Variants in JDP2 observed in about 807,000 individuals in gnomAD.
The protein encoded by JDP2 is progesterone receptor co-activator.
Under a neutral mutation model 17.1 loss-of-function variants are expected in JDP2, and 9 were observed. That is an observed-to-expected ratio of 0.53 (90% CI 0.32 to 0.92). The LOEUF (loss-of-function observed/expected upper bound fraction) is 0.92, where lower values mean the gene tolerates loss of function less well. Among genes scored for constraint, JDP2 ranks in the 40% least tolerant of loss-of-function variants. The pLI is 0.04. For missense variants in JDP2, 179 were observed against 220.0 expected, an observed-to-expected ratio of 0.81 and a Z score of 1.18; for synonymous variants, 107 against 95.6, an observed-to-expected ratio of 1.12 and a Z score of -0.69.
At chr14:75,437,450 G>A (rs527655833) in intron 1 of JDP2, among the ~76,000 whole-genome samples, 21 of 152,298 alleles carry the variant, frequency 1.4e-4, no homozygotes, top group African/African-American at 3.6e-4. Context: ...GTTATAATTC[G>A]CTCTCTTCAG....
chr14:75,452,764 C>G (rs369735033), intron 2 of JDP2, among the ~76,000 whole-genome samples: 91 of 152,322 alleles, frequency 6.0e-4, no homozygotes, highest in African/African-American at 2.1e-3. Flanking sequence ...AGCCCTCCCC[C>G]CTCACTAATG....
At chr14:75,443,886 C>G (rs1420452598) in intron 2 of JDP2, among the ~76,000 whole-genome samples, 1 of 148,018 alleles carries the variant, frequency 6.8e-6, no homozygotes, top group African/African-American at 2.6e-5. Flanking sequence ...AATAATAATA[C>G]CTACCTCTTA....
At chr14:75,454,342 A>G (rs955118006) in intron 2 of JDP2, among the ~76,000 whole-genome samples, 2 of 152,186 alleles carry the variant, frequency 1.3e-5, no homozygotes, top group Non-Finnish European at 2.9e-5. Flanking sequence ...AAAGACCTGG[A>G]TACGAGTCCT....
intron 2 of JDP2, among the ~76,000 whole-genome samples, chr14:75,447,674 T>C (rs906073472): frequency 1.3e-5 from 2 of 152,184 alleles, no homozygotes; most frequent in Non-Finnish European, 2.9e-5. Flanking sequence ...TTTTTATTTT[T>C]TTTGAGTTGG....
chr14:75,459,272 G>T (rs1485639053), intron 2 of JDP2, among the ~76,000 whole-genome samples: 4 of 152,230 alleles, frequency 2.6e-5, no homozygotes, highest in African/African-American at 9.6e-5. Context: ...CTTGTTGGGG[G>T]TGAGGTTAAG....
chr14:75,457,185 C>T (rs1886151337), intron 2 of JDP2, among the ~76,000 whole-genome samples: 1 of 152,250 alleles, frequency 6.6e-6, no homozygotes, highest in Non-Finnish European at 1.5e-5. Context: ...CATTATCACC[C>T]AGTTTGGGGT....
intron 3 of JDP2, among the ~76,000 whole-genome samples, chr14:75,462,656 C>T (rs1346161878): frequency 6.6e-6 from 1 of 152,160 alleles, no homozygotes; most frequent in African/African-American, 2.4e-5. Flanking sequence ...GTGTTGGGTA[C>T]ACTGGGGGCA....
chr14:75,439,118 A>G (rs1225694117), intron 2 of JDP2, among the ~76,000 whole-genome samples: 1 of 152,082 alleles, frequency 6.6e-6, no homozygotes, highest in Non-Finnish European at 1.5e-5. Flanking sequence ...GAAGTGCTGG[A>G]AGTGCTGGAG....
chr14:75,470,210 AG>A lies in JDP2; in HGVS notation c.*736del, dbSNP rs984861988. 3 of 151,258 alleles carry A rather than the reference AG, an allele frequency of 2.0e-5. No individual in the cohort carries two copies. Among genetic ancestry groups the A allele is most frequent in the African/African-American group, 4.9e-5 (2 of 41,082 alleles). The allele number at this position is 151,258 out of a possible 1,614,324, so 9.4% of individuals were successfully genotyped here. ...TTTTTAATATTTTTTACAAAAAAAAAGATTTTATACAAGCAATATATATATG... is the reference window on the plus strand; with the variant it reads ...TTTTTAATATTTTTTACAAAAAAAAAATTTTATACAAGCAATATATATATG... On this transcript the variant is annotated 3_prime_UTR_variant, in exon 4 of 4. Transcript: ENST00000651602.
chr14:75,440,671 T>A (rs185502132), intron 2 of JDP2, among the ~76,000 whole-genome samples: 1 of 152,246 alleles, frequency 6.6e-6, no homozygotes, highest in African/African-American at 2.4e-5. Flanking sequence ...TCACTCAGGG[T>A]CACACTGCTG....
chr14:75,459,996 A>G (rs1886285747), intron 2 of JDP2, among the ~76,000 whole-genome samples: 1 of 152,254 alleles, frequency 6.6e-6, no homozygotes, highest in Non-Finnish European at 1.5e-5. Flanking sequence ...CCTCAGTCTC[A>G]CCATCTGTAA....
intron 1 of JDP2, among the ~76,000 whole-genome samples, chr14:75,432,823 C>T (rs74067233): frequency 9.9e-4 from 151 of 152,262 alleles, no homozygotes; most frequent in African/African-American, 3.6e-3. Context: ...AAATGCTGAT[C>T]GTTGGGCACT....
At chr14:75,432,487 A>G (rs553241958) in intron 1 of JDP2, among the ~76,000 whole-genome samples, 1 of 152,068 alleles carries the variant, frequency 6.6e-6, no homozygotes, top group African/African-American at 2.4e-5. Context: ...GCCATTGCCC[A>G]TGCCCTGCCG....
Position 75,473,933 on chromosome 14 carries a change from GACTTCA to G in JDP2, c.*4468_*4473del, listed in dbSNP as rs1170912720. 6.6e-6 allele frequency: 1 copy of G among 152,190 alleles called. No homozygotes were observed. The highest frequency in any genetic ancestry group is 6.5e-5 in the Admixed American group (1 of 15,272). 9.4% of individuals were successfully genotyped at this position (152,190 alleles called of 1,614,324 possible). On this transcript the variant is annotated 3_prime_UTR_variant, in exon 4 of 4. Coordinates refer to ENST00000651602, the MANE Select transcript of JDP2 (RefSeq NM_001135048.2). ...CACTGCAAGGGTAAGTAGGACGCTG[GACTTCA>G]ACTTCAACTATACACATAACATTTC... is the stretch of plus-strand genomic sequence containing the variant.
chr14:75,439,197 A>G (rs1009109298), intron 2 of JDP2, among the ~76,000 whole-genome samples: 1 of 152,140 alleles, frequency 6.6e-6, no homozygotes, highest in African/African-American at 2.4e-5. Context: ...TTAGGCAACT[A>G]TCTCTCAGCT....
chr14:75,444,790 A>G (rs1038020897), intron 2 of JDP2, among the ~76,000 whole-genome samples: 1 of 152,222 alleles, frequency 6.6e-6, no homozygotes, highest in Admixed American at 6.5e-5. Context: ...TTCTGACAGC[A>G]CTAACCTTTC....
At chr14:75,469,176 T>A in intron 3 of JDP2, 114 bp from the exon 4 acceptor site, 1 of 939,922 alleles carries the variant, frequency 1.1e-6, no homozygotes, top group Non-Finnish European at 1.6e-6. Flanking sequence ...TGCTTCTTCC[T>A]GCAGAAAACA....
intron 3 of JDP2, among the ~76,000 whole-genome samples, chr14:75,465,519 CG>C (rs1886535389): frequency 6.6e-6 from 1 of 152,178 alleles, no homozygotes; most frequent in Admixed American, 6.5e-5. Context: ...TTGTAGAGAC[CG>C]GGGCTCCCTG....
intron 3 of JDP2, among the ~76,000 whole-genome samples, chr14:75,464,766 C>T (rs1886498966): frequency 6.6e-6 from 1 of 152,178 alleles, no homozygotes; most frequent in South Asian, 2.1e-4. Context: ...GGCCCTGAAC[C>T]CCGGGGAAGG....
Sources: gnomAD v4.1 joint callset for allele counts (sites outside exome capture counted in the v4.1 genomes callset) on GRCh38, gnomAD v4.1.1 for gene constraint, MANE v1.5 for transcripts, NCBI Gene and HGNC (gene_info 2026-07-23, HGNC 2026-07-21) for gene names.